RASEF: variants seen among roughly 807,000 people sequenced by gnomAD.
RASEF encodes the protein ras and EF-hand domain-containing protein.
RASEF carries 68 observed loss-of-function variants against 90.1 expected under a neutral mutation model. That is an observed-to-expected ratio of 0.75 (90% CI 0.62 to 0.92). The LOEUF is 0.92. RASEF is among the 40% of genes least tolerant of loss of function. The pLI, the probability that RASEF is intolerant of heterozygous loss-of-function variation, is 0.00. For missense variants in RASEF, 949 were observed against 937.2 expected, an observed-to-expected ratio of 1.01 and a Z score of -0.16; for synonymous variants, 331 against 345.2, an observed-to-expected ratio of 0.96 and a Z score of 0.46.
chr9:83,066,965 G>A (rs141253522), upstream of RASEF, among the ~76,000 whole-genome samples: 542 of 152,266 alleles, frequency 3.6e-3, 4 homozygotes, highest in African/African-American at 0.012. Context: ...GACTAGGGTG[G>A]TGAGTCATGA....
At chr9:83,038,718 C>T (rs60372422) in intron 1 of RASEF, among the ~76,000 whole-genome samples, 6,571 of 152,164 alleles carry the variant, frequency 0.043, 435 homozygotes, top group African/African-American at 0.15. Flanking sequence ...AGAACTAGTA[C>T]ATAGGACCAC....
the RASEF span, among the ~76,000 whole-genome samples, chr9:83,107,833 C>A: frequency 1.3e-5 from 2 of 152,194 alleles, no homozygotes; most frequent in Admixed American, 6.5e-5. Flanking sequence ...CCAAAAGGAC[C>A]AATAAACTCT....
chr9:83,054,447 T>A lies in RASEF; in HGVS notation c.431+7990A>T, dbSNP rs1183612540. 5.3e-4 allele frequency among the ~76,000 whole-genome samples: 32 copies of A among 60,234 alleles called. 1 individual carries two copies. The East Asian group carries it at 8.6e-3, about 16-fold the overall frequency. 39.5% of individuals were successfully genotyped at this position (60,234 alleles called of 152,430 possible). On this transcript the variant is annotated intron_variant, in intron 1 of 16. Transcript: ENST00000376447. ...TGGTTATTCTAGTTATACATTCTTC[T>A]AAATTTTTTTCAAAGTTTTCAACTT...
At chr9:83,081,819 T>G in the RASEF span, among the ~76,000 whole-genome samples, 1 of 152,150 alleles carries the variant, frequency 6.6e-6, no homozygotes, top group Non-Finnish European at 1.5e-5. Flanking sequence ...CACCTCTCCA[T>G]AAATAAGACT....
the RASEF span, among the ~76,000 whole-genome samples, chr9:83,078,777 A>G: frequency 6.9e-6 from 1 of 145,978 alleles, no homozygotes; most frequent in Admixed American, 6.7e-5. Flanking sequence ...TAAGGTAACT[A>G]TATTTGTATT....
chr9:82,983,523 C>CT (rs1828656069), intron 16 of RASEF, among the ~76,000 whole-genome samples: 1 of 152,134 alleles, frequency 6.6e-6, no homozygotes, highest in South Asian at 2.1e-4. Context: ...CTTAGACAAG[C>CT]TGAACGGCTA....
chr9:83,200,263 GC>G, the RASEF span, among the ~76,000 whole-genome samples: 1 of 152,058 alleles, frequency 6.6e-6, no homozygotes, highest in South Asian at 2.1e-4. Flanking sequence ...AGGTGTAGTG[GC>G]GGTTGCCTGT....
chr9:83,006,921 G>A lies in RASEF; in HGVS notation c.1028+516C>T, dbSNP rs537169515. ...ATCCTGGCTAACAAGGTAAAATGCCGTCTCTACTAAAAAAATACAAAAATT... is the reference window on the plus strand; with the variant it reads ...ATCCTGGCTAACAAGGTAAAATGCCATCTCTACTAAAAAAATACAAAAATT... On this transcript the variant is annotated intron_variant, in intron 7 of 16. Transcript: ENST00000376447. 2.6e-5 allele frequency among the ~76,000 whole-genome samples: 4 copies of A among 151,844 alleles called. No homozygotes were observed. The East Asian group carries it at 5.8e-4, about 22-fold the overall frequency.
chr9:83,114,407 T>A, the RASEF span, among the ~76,000 whole-genome samples: 1 of 152,132 alleles, frequency 6.6e-6, no homozygotes, highest in East Asian at 1.9e-4. Context: ...TTGTGGAGCA[T>A]GTGTGTTTGA....
At chr9:83,031,482 T>C (rs945943088) in intron 1 of RASEF, among the ~76,000 whole-genome samples, 1 of 152,218 alleles carries the variant, frequency 6.6e-6, no homozygotes, top group Non-Finnish European at 1.5e-5. Flanking sequence ...TTATCACTAG[T>C]ATCCTATTTA....
intron 1 of RASEF, among the ~76,000 whole-genome samples, chr9:83,057,850 T>TTC (rs1210762236): frequency 4.0e-5 from 1 of 25,142 alleles, no homozygotes; most frequent in Non-Finnish European, 7.2e-5. Flanking sequence ...TATATACATA[T>TTC]ATATATATAT....
the RASEF span, among the ~76,000 whole-genome samples, chr9:83,082,863 A>T: frequency 2.6e-5 from 4 of 152,204 alleles, no homozygotes. Flanking sequence ...ATTATTAGAA[A>T]GAGGGATGAC....
rs1352498641 is a variant in RASEF at position 83,062,746 on chromosome 9, C to G, written c.122G>C (p.Arg41Pro). The G allele has an allele frequency of 6.4e-7, 1 of 1,568,134 alleles. No individual in the cohort carries two copies. ...TGCCTCGGCGTCGGCCGGCCGCACC[C>G]GCAGCTCCGTGCACAGTGCCCGGAA... ...EEFRALCTEL[R>P]VRPADAEAVF... Residue 41 changes from arginine to proline, a missense_variant, in exon 1 of 17, where the codon CGG (arginine) becomes CCG (proline). By Grantham distance (103) the Arg-to-Pro change is moderately radical. Coordinates refer to ENST00000376447, the MANE Select transcript of RASEF (RefSeq NM_152573.4).
At chr9:83,058,117 A>G (rs1435742292) in intron 1 of RASEF, among the ~76,000 whole-genome samples, 1 of 119,586 alleles carries the variant, frequency 8.4e-6, no homozygotes, top group Non-Finnish European at 1.7e-5. Flanking sequence ...CCCCTCTGCC[A>G]CTCTATCTCT....
At chr9:83,072,072 C>T in the RASEF span, among the ~76,000 whole-genome samples, 196 of 152,228 alleles carry the variant, frequency 1.3e-3, 1 homozygote, top group Non-Finnish European at 2.4e-3. Flanking sequence ...AAATTATTTT[C>T]GACATTTCTG....
the RASEF span, among the ~76,000 whole-genome samples, chr9:83,103,643 A>G: frequency 2.0e-4 from 30 of 152,348 alleles, no homozygotes; most frequent in Non-Finnish European, 4.1e-4. Context: ...CACAGAAAAA[A>G]AGAGGTATTA....
intron 1 of RASEF, among the ~76,000 whole-genome samples, chr9:83,028,727 T>TATATGC (rs1829589243): frequency 6.6e-6 from 1 of 152,204 alleles, no homozygotes; most frequent in Non-Finnish European, 1.5e-5. Flanking sequence ...TAAGGAAATG[T>TATATGC]ATATGCATCC....
At chr9:82,993,351 G>T (rs764774002) in intron 14 of RASEF, among the ~76,000 whole-genome samples, 1 of 152,092 alleles carries the variant, frequency 6.6e-6, no homozygotes, top group Non-Finnish European at 1.5e-5. Context: ...GGATTAATCA[G>T]TTTTATGGCA....
chr9:82,982,823 GAGA>G, intron 16 of RASEF, 41 bp from the exon 17 acceptor site: 1 of 1,146,590 alleles, frequency 8.7e-7, no homozygotes, highest in Non-Finnish European at 1.3e-6. Context: ...GAGAGAGAGA[GAGA>G]GAGAGAGGAT....
Sources: gnomAD v4.1 joint callset for allele counts (sites outside exome capture counted in the v4.1 genomes callset) on GRCh38, gnomAD v4.1.1 for gene constraint, MANE v1.5 for transcripts, NCBI Gene and HGNC (gene_info 2026-07-23, HGNC 2026-07-21) for gene names.